The following ADIRF variants were observed in gnomAD, a reference collection of about 807,000 sequenced individuals.
ADIRF encodes the protein adipogenesis regulatory factor.
Under a neutral mutation model 7.8 loss-of-function variants are expected in ADIRF, and 9 were observed. The ratio of observed to expected loss-of-function variants is 1.15; its 90% CI spans 0.70 to 2.01. The LOEUF (loss-of-function observed/expected upper bound fraction) is 2.01. Among genes scored for constraint, ADIRF ranks in the 30% most tolerant of loss-of-function variants. The probability of loss-of-function intolerance (pLI) is 0.00; values close to 1 mark genes in which losing one functional copy is unlikely to be tolerated. For missense variants in ADIRF, 106 were observed against 98.1 expected, an observed-to-expected ratio of 1.08 and a Z score of -0.34; for synonymous variants, 48 against 39.9, an observed-to-expected ratio of 1.20 and a Z score of -0.77.
chr10:86,968,522 G>A lies in ADIRF; in HGVS notation c.-23G>A. 6.2e-7 allele frequency: 1 copy of A among 1,613,360 alleles called. No individual in the cohort carries two copies. The highest frequency in any genetic ancestry group is 8.5e-7 in the Non-Finnish European group (1 of 1,179,754). ...CAACGTCGCTCCAGCTGCTCTTGAC[G>A]ACTCCACAGATACCCCGAAGCCATG... is the stretch of plus-strand genomic sequence containing the variant. On this transcript the variant is annotated 5_prime_UTR_variant, in exon 1 of 3. Coordinates refer to ENST00000372013, the MANE Select transcript of ADIRF (RefSeq NM_006829.3).
In ADIRF at chr10:86,970,281, G is replaced by C; in HGVS notation, c.124+19G>C. 2 of 1,474,160 alleles carry C rather than the reference G, an allele frequency of 1.4e-6. No homozygotes were observed. Among genetic ancestry groups the C allele is most frequent in the Non-Finnish European group, 1.8e-6 (2 of 1,109,196 alleles). The allele number at this position is 1,474,160 out of a possible 1,614,324, so 91.3% of individuals were successfully genotyped here. ...CAGAAAGGTCTGGTGGGGCTGGAGG[G>C]AGGCGGGCAACCCCAGCACACCTCC... On this transcript the variant is annotated intron_variant, in intron 2 of 2. Transcript: ENST00000372013.
intron 1 of ADIRF, 137 bp from the exon 2 acceptor site, chr10:86,970,063 G>T (rs532670244): frequency 2.2e-5 from 18 of 815,014 alleles, no homozygotes; most frequent in Non-Finnish European, 2.9e-5. Context: ...CTGGGCCAGG[G>T]ACTTTATCTC....
At chr10:86,968,840 G>A (rs1844521712) in intron 1 of ADIRF, 2 of 505,436 alleles carry the variant, frequency 4.0e-6, no homozygotes, top group Admixed American at 4.2e-5. Flanking sequence ...TGCGCTGCGG[G>A]CACTGCGGGA....
In ADIRF at chr10:86,970,854, T is replaced by C. The variant is rs530079518; in HGVS notation, c.*272T>C. 1.1e-5 allele frequency: 6 copies of C among 526,920 alleles called. No homozygotes were observed. Among genetic ancestry groups the C allele is most frequent in the South Asian group, 4.6e-5 (3 of 65,134 alleles). The allele number at this position is 526,920 out of a possible 1,614,324, so 32.6% of individuals were successfully genotyped here. A position where few individuals can be genotyped will look rare whatever the true frequency, so the allele number is the denominator to read the frequency against. Reference sequence around the variant, plus strand: ...AAATCCAATCCAACGGTCTCAGGAATGTTTTCCATCCCGCCACGCGCCTCC... The same window carrying C: ...AAATCCAATCCAACGGTCTCAGGAACGTTTTCCATCCCGCCACGCGCCTCC... On this transcript the variant is annotated 3_prime_UTR_variant, in exon 3 of 3. Transcript: ENST00000372013.
rs748273782 is a variant in ADIRF at position 86,968,533 on chromosome 10, T to C, written c.-12T>C. On this transcript the variant is annotated 5_prime_UTR_variant, in exon 1 of 3. Transcript: ENST00000372013. ...CAGCTGCTCTTGACGACTCCACAGA[T>C]ACCCCGAAGCCATGGCAAGCAAGGG... 6.2e-7 allele frequency: 1 copy of C among 1,613,282 alleles called. No individual in the cohort carries two copies. Among genetic ancestry groups the C allele is most frequent in the African/African-American group, 1.3e-5 (1 of 74,892 alleles).
Position 86,970,735 on chromosome 10 carries a change from T to G in ADIRF, c.*153T>G. On this transcript the variant is annotated 3_prime_UTR_variant, in exon 3 of 3. Coordinates refer to ENST00000372013, the MANE Select transcript of ADIRF (RefSeq NM_006829.3). Reference sequence around the variant, plus strand: ...CTCATTAAAATTCACGTTCCCACCCTGTGTCCACTTCATGATTCCTCGCAA... The same window carrying G: ...CTCATTAAAATTCACGTTCCCACCCGGTGTCCACTTCATGATTCCTCGCAA... The G allele has an allele frequency of 1.4e-6, 1 of 719,844 alleles. No individual in the cohort carries two copies. The highest frequency in any genetic ancestry group is 2.5e-6 in the Non-Finnish European group (1 of 400,792). The allele number at this position is 719,844 out of a possible 1,614,324, so 44.6% of individuals were successfully genotyped here.
At chr10:86,968,753 A>C in intron 1 of ADIRF, 148 bp downstream of exon 1, 1 of 836,766 alleles carries the variant, frequency 1.2e-6, no homozygotes, top group Non-Finnish European at 1.8e-6. Context: ...GGGGGCAGGC[A>C]GAACGCCCAC....
intron 1 of ADIRF, 84 bp from the exon 2 acceptor site, chr10:86,970,116 A>C: frequency 7.8e-7 from 1 of 1,286,302 alleles, no homozygotes; most frequent in Non-Finnish European, 1.0e-6. Context: ...AATACTCTGG[A>C]GGACACAGAG....
chr10:86,970,206 C>G lies in ADIRF; in HGVS notation c.68C>G (p.Ala23Gly). 1 of 1,452,832 alleles carries G rather than the reference C, an allele frequency of 6.9e-7. No homozygotes were observed. Among genetic ancestry groups the G allele is most frequent in the Non-Finnish European group, 9.1e-7 (1 of 1,099,558 alleles). The allele number at this position is 1,452,832 out of a possible 1,614,324, so 90.0% of individuals were successfully genotyped here. The change falls in exon 2 of 3, where the codon GCG becomes GGG. Residue 23 changes from alanine (A) to glycine (G), a missense_variant. By Grantham distance (60) the Ala-to-Gly change is moderately conservative. Transcript: ENST00000372013. Reference protein sequence around the residue: ...VEGTAQEAVSAAGAAAQQVVD... With the variant: ...VEGTAQEAVSGAGAAAQQVVD... ...CCACATCTCTCTGTTCCAGTGTCAG[C>G]GGCCGGAGCGGCAGCTCAGCAAGTG... is the stretch of plus-strand genomic sequence containing the variant.
At position 86,970,904 on chromosome 10, in the gene ADIRF, G is replaced by GC. The variant is rs1321819192; in HGVS notation, c.*327dup. ...CCGAAGCTCCCAGACCGGAGGCTCA[G>GC]CCCCCATCTCGGTTAGTGCCCCTCT... On this transcript the variant is annotated 3_prime_UTR_variant, in exon 3 of 3. Coordinates refer to ENST00000372013, the MANE Select transcript of ADIRF (RefSeq NM_006829.3). 1 of 447,878 alleles carries GC rather than the reference G, an allele frequency of 2.2e-6. No individual in the cohort carries two copies. The highest frequency in any genetic ancestry group is 6.7e-5 in the East Asian group (1 of 14,958). The allele number at this position is 447,878 out of a possible 1,614,324, so 27.7% of individuals were successfully genotyped here.
At chr10:86,970,298 C>A in intron 2 of ADIRF, 36 bp downstream of exon 2, 1 of 1,491,980 alleles carries the variant, frequency 6.7e-7, no homozygotes, top group Non-Finnish European at 9.0e-7. Context: ...GCAACCCCAG[C>A]ACACCTCCCA....
rs757252485 is a variant in ADIRF at position 86,970,239 on chromosome 10, A to G, written c.101A>G (p.Gln34Arg). The change falls in exon 2 of 3, where the codon CAG (glutamine) becomes CGG (arginine). Residue 34 changes from glutamine (Q) to arginine (R), a missense_variant. Gln to Arg is a conservative substitution (Grantham distance 43). Transcript: ENST00000372013. ...GCGGCAGCTCAGCAAGTGGTGGACC[A>G]GGCCACAGAGGCGGGGCAGAAAGGT... ...AGAAAQQVVDQATEAGQKAMD... is the reference protein window; with the variant it reads ...AGAAAQQVVDRATEAGQKAMD... 5.5e-6 allele frequency: 8 copies of G among 1,460,818 alleles called. No homozygotes were observed. Among genetic ancestry groups the G allele is most frequent in the Non-Finnish European group, 7.2e-6 (8 of 1,103,846 alleles). 90.5% of individuals were successfully genotyped at this position (1,460,818 alleles called of 1,614,324 possible).
In ADIRF at chr10:86,970,790, A is replaced by G. The variant is rs1236073199; in HGVS notation, c.*208A>G. 1 of 644,538 alleles carries G rather than the reference A, an allele frequency of 1.6e-6. No homozygotes were observed. 39.9% of individuals were successfully genotyped at this position (644,538 alleles called of 1,614,324 possible). A position where few individuals can be genotyped will look rare whatever the true frequency, so the allele number is the denominator to read the frequency against. Reference sequence around the variant, plus strand: ...GGCCCAGTCCTCTCATCCCAAGAGCAGAGCCACCGTAGCCGGAGTCCTAGC... The same window carrying G: ...GGCCCAGTCCTCTCATCCCAAGAGCGGAGCCACCGTAGCCGGAGTCCTAGC... On this transcript the variant is annotated 3_prime_UTR_variant, in exon 3 of 3. Transcript: ENST00000372013.
intron 1 of ADIRF, 41 bp from the exon 2 acceptor site, chr10:86,970,159 G>A (rs376712291): frequency 4.8e-5 from 69 of 1,424,904 alleles, no homozygotes; most frequent in Non-Finnish European, 6.3e-5. Context: ...GTAGTCGGTG[G>A]TGCCTCAACA....
At position 86,968,613 on chromosome 10, in the gene ADIRF, T is replaced by G; in HGVS notation, c.61+8T>G. On this transcript the variant is annotated splice_region_variant and intron_variant, in intron 1 of 2. Coordinates refer to ENST00000372013, the MANE Select transcript of ADIRF (RefSeq NM_006829.3). ...GGACCGCCCAGGAAGCCGGTGAGGA[T>G]AGCGCGCGACCTAGGGCTCAGGCAG... is the stretch of plus-strand genomic sequence containing the variant. The G allele has an allele frequency of 6.2e-7, 1 of 1,612,644 alleles. No homozygotes were observed. Among genetic ancestry groups the G allele is most frequent in the Non-Finnish European group, 8.5e-7 (1 of 1,179,572 alleles).
At chr10:86,968,999 T>C in intron 1 of ADIRF, 1 of 203,168 alleles carries the variant, frequency 4.9e-6, no homozygotes, top group Non-Finnish European at 9.8e-6. Context: ...AAGGGCTTTG[T>C]TTCCATCCCA....
chr10:86,968,888 G>A (rs906695019), intron 1 of ADIRF: 3 of 430,858 alleles, frequency 7.0e-6, no homozygotes, highest in Admixed American at 9.3e-5. Context: ...TGGGCGGCCC[G>A]CCCAGGCCCT....
At chr10:86,970,117 G>A (rs1232832995) in intron 1 of ADIRF, 83 bp from the exon 2 acceptor site, 7 of 1,296,976 alleles carry the variant, frequency 5.4e-6, no homozygotes, top group Non-Finnish European at 7.2e-6. Context: ...ATACTCTGGA[G>A]GACACAGAGG....
chr10:86,970,481 G>T lies in ADIRF; in HGVS notation c.130G>T (p.Asp44Tyr). 6.2e-7 allele frequency: 1 copy of T among 1,612,854 alleles called. No individual in the cohort carries two copies. The highest frequency in any genetic ancestry group is 8.5e-7 in the Non-Finnish European group (1 of 1,179,470). The change falls in exon 3 of 3, where the codon GAC (aspartate) becomes TAC (tyrosine). Residue 44 changes from aspartate (D) to tyrosine (Y), a missense_variant. Coordinates refer to ENST00000372013, the MANE Select transcript of ADIRF (RefSeq NM_006829.3). ...TCTCTCCCGCCCTTCCCCAGCCATGGACCAGCTGGCCAAGACCACCCAGGA... is the reference window on the plus strand; with the variant it reads ...TCTCTCCCGCCCTTCCCCAGCCATGTACCAGCTGGCCAAGACCACCCAGGA... Reference protein sequence around the residue: ...QATEAGQKAMDQLAKTTQETI... With the variant: ...QATEAGQKAMYQLAKTTQETI...
Sources: gnomAD v4.1 joint callset for allele counts on GRCh38, gnomAD v4.1.1 for gene constraint, MANE v1.5 for transcripts, NCBI Gene and HGNC (gene_info 2026-07-23, HGNC 2026-07-21) for gene names.